RIMS1: variants seen among roughly 807,000 people sequenced by gnomAD.
The protein encoded by RIMS1 is regulating synaptic membrane exocytosis protein 1.
RIMS1 carries 83 observed loss-of-function variants against 214.1 expected under a neutral mutation model. The observed-to-expected ratio is 0.39, with a 90% confidence interval of 0.32 to 0.47. The LOEUF (loss-of-function observed/expected upper bound fraction) is 0.47, where lower values mean the gene tolerates loss of function less well. Among genes scored for constraint, RIMS1 ranks in the 20% least tolerant of loss-of-function variants. The pLI is 0.99. For synonymous variants in RIMS1, 793 were observed against 786.8 expected, an observed-to-expected ratio of 1.01 and a Z score of -0.13; for missense variants, 2,050 against 2,161.8, an observed-to-expected ratio of 0.95 and a Z score of 1.03.
Position 72,313,685 on chromosome 6 carries a change from TA to T in RIMS1, c.4130+14del, listed in dbSNP as rs762814912. The T allele has an allele frequency of 2.5e-6, 4 of 1,604,204 alleles. No individual in the cohort carries two copies. The highest frequency in any genetic ancestry group is 3.4e-6 in the Non-Finnish European group (4 of 1,174,666). On this transcript the variant is annotated intron_variant, in intron 28 of 33. Transcript: ENST00000521978. ...GGGGTAGAATCAGGTGAGTTGGCAATACTGTTTATATAAACTGGATCTTTAT... is the reference window on the plus strand; with the variant it reads ...GGGGTAGAATCAGGTGAGTTGGCAATCTGTTTATATAAACTGGATCTTTAT...
At chr6:71,896,646 G>A (rs1047848799) in intron 1 of RIMS1, among the ~76,000 whole-genome samples, 4 of 152,044 alleles carry the variant, frequency 2.6e-5, no homozygotes, top group Non-Finnish European at 5.9e-5. Flanking sequence ...ACGCACTTTG[G>A]GAAAAGACTA....
rs377674897 is a variant in RIMS1 at position 72,290,708 on chromosome 6, G to A, written c.3584G>A (p.Gly1195Glu). Reference protein sequence around the residue: ...RVLPTCLSRRGHAAPRATDQP... With the variant: ...RVLPTCLSRREHAAPRATDQP... ...CTCCCAACATGTCTTTCTAGAAGGG[G>A]ACACGCAGCCCCAAGAGCAACTGAT... The change falls in exon 25 of 34, where the codon GGA becomes GAA. Residue 1195 changes from glycine to glutamate, a missense_variant. Transcript: ENST00000521978. 2.5e-6 allele frequency: 4 copies of A among 1,613,554 alleles called. No individual in the cohort carries two copies. Among genetic ancestry groups the A allele is most frequent in the African/African-American group, 1.3e-5 (1 of 74,884 alleles).
intron 4 of RIMS1, among the ~76,000 whole-genome samples, chr6:72,148,209 G>A (rs940392376): frequency 6.6e-6 from 1 of 152,090 alleles, no homozygotes; most frequent in African/African-American, 2.4e-5. Flanking sequence ...GGGAAGAGAG[G>A]ATAAAGGAGA....
intron 4 of RIMS1, among the ~76,000 whole-genome samples, chr6:72,168,170 A>T (rs1032027020): frequency 5.9e-5 from 9 of 152,184 alleles, no homozygotes; most frequent in African/African-American, 2.2e-4. Flanking sequence ...ATTTGATGAA[A>T]GATTGGGGAA....
chr6:72,143,051 T>A (rs1282388470), intron 4 of RIMS1, among the ~76,000 whole-genome samples: 1 of 152,114 alleles, frequency 6.6e-6, no homozygotes. Context: ...TGTATTGGTA[T>A]GTAGTGGATA....
In RIMS1 at chr6:72,290,781, G is replaced by A. The variant is rs1230424547; in HGVS notation, c.3657G>A (p.Glu1219=). ...GKHPARSRSS[E]HSSIRTLCSM... ...ATCCTGCTCGCTCAAGGTCGAGTGA[G>A]CACTCTAGTATCAGAACACTGTGTT... Residue 1219 remains glutamate, a synonymous_variant, in exon 25 of 34, where the codon GAG becomes GAA. Coordinates refer to ENST00000521978, the MANE Select transcript of RIMS1 (RefSeq NM_014989.7). The A allele has an allele frequency of 1.2e-6, 2 of 1,613,710 alleles. No individual in the cohort carries two copies. The highest frequency in any genetic ancestry group is 2.7e-5 in the African/African-American group (2 of 74,900).
intron 2 of RIMS1, among the ~76,000 whole-genome samples, chr6:72,049,377 ACTT>A (rs1471880101): frequency 6.6e-6 from 1 of 152,112 alleles, no homozygotes; most frequent in Non-Finnish European, 1.5e-5. Context: ...ATGACTGAGA[ACTT>A]CTTATTACAG....
intron 4 of RIMS1, among the ~76,000 whole-genome samples, chr6:72,108,732 G>T (rs1052800939): frequency 1.3e-5 from 2 of 149,996 alleles, no homozygotes; most frequent in African/African-American, 4.9e-5. Context: ...TAAGTTTTAG[G>T]GTACATGTGC....
Position 72,159,172 on chromosome 6 carries a change from G to A in RIMS1, c.472-20403G>A, listed in dbSNP as rs1300746466. On this transcript the variant is annotated intron_variant, in intron 4 of 33. Transcript: ENST00000521978. Reference sequence around the variant, plus strand: ...AGTGATGTTGAGCATTTTTTCATGTGTCTTTTGGCTGCATAAATGTCTTCT... The same window carrying A: ...AGTGATGTTGAGCATTTTTTCATGTATCTTTTGGCTGCATAAATGTCTTCT... Among the ~76,000 whole-genome samples, 5 of 141,234 alleles carry A rather than the reference G, an allele frequency of 3.5e-5. 1 individual carries two copies. The highest frequency in any genetic ancestry group is 8.0e-5 in the Non-Finnish European group (5 of 62,148). 92.7% of individuals were successfully genotyped at this position (141,234 alleles called of 152,430 possible). A position where few individuals can be genotyped will look rare whatever the true frequency, so the allele number is the denominator to read the frequency against.
Position 72,237,846 on chromosome 6 carries a change from C to G in RIMS1, c.1881C>G (p.Asp627Glu). The G allele has an allele frequency of 6.2e-7, 1 of 1,613,328 alleles. No homozygotes were observed. The highest frequency in any genetic ancestry group is 8.5e-7 in the Non-Finnish European group (1 of 1,179,572). ...AGGTTGTTGGAGGAAAAATGACTGA[C>G]TTAGGACGACTTGGTGCTTTCATCA... ...GLKVVGGKMT[D>E]LGRLGAFITK... The change falls in exon 9 of 34, where the codon GAC (aspartate) becomes GAG (glutamate). Residue 627 changes from aspartate (D) to glutamate (E), a missense_variant. Physicochemically the swap from Asp to Glu is conservative, Grantham distance 45. Around this residue, in one of 6 missense-constraint regions of RIMS1, gnomAD observed 111 missense variants for 166.2 expected, o/e 0.67. Transcript: ENST00000521978.
At chr6:72,359,142 A>G (rs566352396) in intron 29 of RIMS1, among the ~76,000 whole-genome samples, 2 of 152,314 alleles carry the variant, frequency 1.3e-5, no homozygotes, top group African/African-American at 4.8e-5. Flanking sequence ...TAACAAATAC[A>G]GTTTATCAGA....
At chr6:72,131,839 C>G (rs891731805) in intron 4 of RIMS1, among the ~76,000 whole-genome samples, 2 of 152,112 alleles carry the variant, frequency 1.3e-5, no homozygotes, top group Admixed American at 1.3e-4. Context: ...GATGACCACA[C>G]CCAAGGGGGC....
chr6:72,398,841 G>A (rs1269666299), intron 32 of RIMS1, 114 bp from the exon 33 acceptor site: 1 of 630,220 alleles, frequency 1.6e-6, no homozygotes, highest in Non-Finnish European at 2.6e-6. Flanking sequence ...AATTTAAACA[G>A]TCAATGGGAA....
At chr6:72,258,306 T>C in intron 17 of RIMS1, 25 bp downstream of exon 17, 2 of 1,596,048 alleles carry the variant, frequency 1.3e-6, no homozygotes, top group South Asian at 2.2e-5. Flanking sequence ...GGGCTCAGTG[T>C]CCCTGACAGT....
chr6:71,905,657 G>GA (rs1336851726), intron 1 of RIMS1, among the ~76,000 whole-genome samples: 28 of 152,106 alleles, frequency 1.8e-4, no homozygotes, highest in African/African-American at 5.3e-4. Flanking sequence ...GTTGAAGACA[G>GA]AAAAAAACTG....
intron 1 of RIMS1, among the ~76,000 whole-genome samples, chr6:71,949,364 G>C (rs889931656): frequency 2.0e-5 from 3 of 151,934 alleles, no homozygotes; most frequent in African/African-American, 7.3e-5. Flanking sequence ...GGAGAAAAAA[G>C]AGTGAGAGAG....
intron 7 of RIMS1, among the ~76,000 whole-genome samples, chr6:72,235,333 A>G (rs2063579122): frequency 6.6e-6 from 1 of 151,966 alleles, no homozygotes; most frequent in Non-Finnish European, 1.5e-5. Context: ...TCTTTAACAA[A>G]TCTCTCCCTA....
Position 72,182,960 on chromosome 6 carries a change from C to A in RIMS1, c.1489C>A (p.Arg497=). The A allele has an allele frequency of 2.5e-6, 4 of 1,592,748 alleles. No individual in the cohort carries two copies. The highest frequency in any genetic ancestry group is 3.4e-6 in the Non-Finnish European group (4 of 1,170,752). ...GCGCGAGAAGGTGGAGACCATGCTG[C>A]GGAACGACTCTTTGAGCTCAGACCA... ...AKREKVETML[R]NDSLSSDQSE... The change falls in exon 6 of 34, where the codon CGG becomes AGG. Residue 497 remains arginine, a synonymous_variant. Transcript: ENST00000521978.
At chr6:71,980,178 G>A (rs1230912791) in intron 2 of RIMS1, among the ~76,000 whole-genome samples, 1 of 152,008 alleles carries the variant, frequency 6.6e-6, no homozygotes, top group East Asian at 1.9e-4. Flanking sequence ...GCCAAAGGAG[G>A]CAAAATATAA....
Sources: allele counts gnomAD v4.1 joint callset (sites outside exome capture counted in the v4.1 genomes callset), GRCh38; gene constraint gnomAD v4.1.1; regional missense constraint gnomAD v4.1.1; transcripts MANE v1.5; gene names NCBI Gene and HGNC (gene_info 2026-07-23, HGNC 2026-07-21).